The following TNC variants were observed in gnomAD, a reference collection of about 807,000 sequenced individuals.
TNC encodes tenascin.
In TNC, 109 loss-of-function variants were observed where a neutral mutation model predicts 202.4. The ratio of observed to expected loss-of-function variants is 0.54; its 90% CI spans 0.46 to 0.63. TNC has a LOEUF of 0.63. TNC is among the 30% of genes least tolerant of loss of function. The pLI, the probability that TNC is intolerant of heterozygous loss-of-function variation, is 0.00. For synonymous variants in TNC, 1,007 were observed against 1,089.7 expected, an observed-to-expected ratio of 0.92 and a Z score of 1.50; for missense variants, 2,756 against 2,833.3, an observed-to-expected ratio of 0.97 and a Z score of 0.62.
At chr9:115,064,168 A>T (rs1205703049) in intron 11 of TNC, 100 bp from the exon 12 acceptor site, 1 of 1,279,742 alleles carries the variant, frequency 7.8e-7, no homozygotes, top group East Asian at 2.4e-5. Flanking sequence ...TTACTGAAAA[A>T]ATGTGACTTT....
intron 8 of TNC, 134 bp from the exon 9 acceptor site, chr9:115,076,255 A>G: frequency 1.4e-6 from 2 of 1,397,802 alleles, no homozygotes; most frequent in Non-Finnish European, 2.0e-6. Flanking sequence ...AACTCACTGC[A>G]ATCCAATAAG....
chr9:115,030,311 A>G lies in TNC; in HGVS notation c.6015T>C (p.Asp2005=), dbSNP rs764271435. The change falls in exon 24 of 28, where the codon GAT becomes GAC. Residue 2005 remains aspartate (D), a synonymous_variant. Transcript: ENST00000350763. The part of the protein sequence containing the change: ...SGLYTIYLNG[D]KAEALEVFCD... ...AGAAGACTTCCAGCGCCTCAGCCTT[A>G]TCACCATTCAGATAAATGGTGTAGA... 2 of 1,613,920 alleles carry G rather than the reference A, an allele frequency of 1.2e-6. No homozygotes were observed. Among genetic ancestry groups the G allele is most frequent in the Non-Finnish European group, 1.7e-6 (2 of 1,179,798 alleles).
chr9:115,076,545 A>G lies in TNC; in HGVS notation c.2705T>C (p.Val902Ala). The G allele has an allele frequency of 6.2e-7, 1 of 1,614,200 alleles. No individual in the cohort carries two copies. The highest frequency in any genetic ancestry group is 1.3e-5 in the African/African-American group (1 of 75,046). ...GLDAPRNLRRVSQTDNSITLE... is the reference protein window; with the variant it reads ...GLDAPRNLRRASQTDNSITLE... ...GGTGATGCTGTTATCTGTCTGGGAA[A>G]CACGTCGAAGATTCCTGGGAGCATC... Residue 902 changes from valine (V) to alanine (A), a missense_variant, in exon 8 of 28, where the codon GTT becomes GCT. Physicochemically the swap from Val to Ala is moderately conservative, Grantham distance 64. Around this residue, in one of 2 missense-constraint regions of TNC, gnomAD observed 2,559 missense variants for 2,546.0 expected, o/e 1.01. Coordinates refer to ENST00000350763, the MANE Select transcript of TNC (RefSeq NM_002160.4).
chr9:115,030,195 C>G lies in TNC; in HGVS notation c.6072+59G>C, dbSNP rs199978073. 2,409 of 1,525,236 alleles carry G rather than the reference C, an allele frequency of 1.6e-3. 27 individuals are homozygous for G. The South Asian group carries it at 0.016, about 10-fold the overall frequency. 94.5% of individuals were successfully genotyped at this position (1,525,236 alleles called of 1,614,324 possible). A position where few individuals can be genotyped will look rare whatever the true frequency, so the allele number is the denominator to read the frequency against. On this transcript the variant is annotated intron_variant, in intron 24 of 27. Transcript: ENST00000350763. ...GAGATCACCCTCTTCTCCTCCCCTG[C>G]TTTGCCCTCTCCCTCTTCCCCTAGG... is the stretch of plus-strand genomic sequence containing the variant.
At position 115,072,116 on chromosome 9, in the gene TNC, C is replaced by T. The variant is rs552523454; in HGVS notation, c.3214+1487G>A. ...CATGTTCAGACAGAAGACTACCTTT[C>T]CCTGCCTCCCTTACAGCTAGGAGTG... is the stretch of plus-strand genomic sequence containing the variant. On this transcript the variant is annotated intron_variant, in intron 10 of 27. Transcript: ENST00000350763. 2.6e-5 allele frequency among the ~76,000 whole-genome samples: 4 copies of T among 152,332 alleles called. No individual in the cohort carries two copies. In the South Asian group the frequency reaches 8.3e-4, roughly 32 times the overall value.
chr9:115,042,244 C>G lies in TNC; in HGVS notation c.5223G>C (p.Arg1741=), dbSNP rs62638694. Residue 1741 remains arginine, a synonymous_variant, in exon 18 of 28, where the codon CGG becomes CGC. Transcript: ENST00000350763. ...CTCCTGTAATGGGCACATAGGTAAT[C>G]CGGAAGCTCTCCACTTGGGCTGTGG... ...RAPTAQVESF[R]ITYVPITGGT... The G allele has an allele frequency of 6.2e-7, 1 of 1,614,156 alleles. No individual in the cohort carries two copies. Among genetic ancestry groups the G allele is most frequent in the African/African-American group, 1.3e-5 (1 of 75,064 alleles).
intron 14 of TNC, among the ~76,000 whole-genome samples, chr9:115,057,951 G>C (rs1832261761): frequency 6.6e-6 from 1 of 152,184 alleles, no homozygotes; most frequent in Non-Finnish European, 1.5e-5. Context: ...TGAGGCTTCT[G>C]ATTTTGTGAC....
intron 18 of TNC, among the ~76,000 whole-genome samples, 190 bp downstream of exon 18, chr9:115,042,029 C>T (rs1830794305): frequency 6.6e-6 from 1 of 152,214 alleles, no homozygotes; most frequent in South Asian, 2.1e-4. Flanking sequence ...TGACCCTTCA[C>T]AAGAAAGTTT....
intron 22 of TNC, among the ~76,000 whole-genome samples, chr9:115,033,330 C>T (rs542050982): frequency 1.3e-5 from 2 of 152,184 alleles, no homozygotes; most frequent in Non-Finnish European, 2.9e-5. Flanking sequence ...CAGTTCTAGT[C>T]CCTGGGGGAA....
chr9:115,064,304 G>T (rs1720745380), intron 11 of TNC, among the ~76,000 whole-genome samples: 1 of 152,174 alleles, frequency 6.6e-6, no homozygotes, highest in African/African-American at 2.4e-5. Context: ...ACCCTCAGTA[G>T]ATGAGAGAAT....
In TNC at chr9:115,117,974, A is replaced by G. The variant is rs1837596958; in HGVS notation, c.-137+8T>C. 1 of 152,208 alleles carries G rather than the reference A, an allele frequency of 6.6e-6. No homozygotes were observed. 9.4% of individuals were successfully genotyped at this position (152,208 alleles called of 1,614,324 possible). Reference sequence around the variant, plus strand: ...GGATCTCTAGTGATGAGGGCAAAACAGACTTACCTTTCCGATGGGCGAGAG... The same window carrying G: ...GGATCTCTAGTGATGAGGGCAAAACGGACTTACCTTTCCGATGGGCGAGAG... On this transcript the variant is annotated splice_region_variant and intron_variant, in intron 1 of 27. Transcript: ENST00000350763.
chr9:115,073,782 A>C lies in TNC; in HGVS notation c.3035T>G (p.Phe1012Cys), dbSNP rs879112257. 3 of 1,614,090 alleles carry C rather than the reference A, an allele frequency of 1.9e-6. 1 individual carries two copies. The highest frequency in any genetic ancestry group is 2.2e-5 in the South Asian group (2 of 91,080). Reference sequence around the variant, plus strand: ...ACTGTAATTGAGGCGGTAGCGGTCAAATTTGGCCAACGGTGTCTTCCAGAG... The same window carrying C: ...ACTGTAATTGAGGCGGTAGCGGTCACATTTGGCCAACGGTGTCTTCCAGAG... ...TLLWKTPLAKFDRYRLNYSLP... is the reference protein window; with the variant it reads ...TLLWKTPLAKCDRYRLNYSLP... Residue 1012 changes from phenylalanine to cysteine, a missense_variant, in exon 10 of 28, where the codon TTT (phenylalanine) becomes TGT (cysteine). Coordinates refer to ENST00000350763, the MANE Select transcript of TNC (RefSeq NM_002160.4).
intron 6 of TNC, 112 bp from the exon 7 acceptor site, chr9:115,078,324 T>C (rs943239262): frequency 7.9e-7 from 1 of 1,260,436 alleles, no homozygotes; most frequent in Non-Finnish European, 1.1e-6. Flanking sequence ...TTATACTAAC[T>C]GCTTGACTTT....
chr9:115,034,764 C>T (rs1216060094), intron 22 of TNC, among the ~76,000 whole-genome samples: 1 of 151,856 alleles, frequency 6.6e-6, no homozygotes, highest in Non-Finnish European at 1.5e-5. Flanking sequence ...TCTTGGGTAG[C>T]GAATATAAAT....
In TNC at chr9:115,031,649, G is replaced by A; in HGVS notation, c.5824C>T (p.Leu1942=). Residue 1942 remains leucine (L), a synonymous_variant, in exon 23 of 28, where the codon CTG becomes TTG. Transcript: ENST00000350763. ...IVGPDTTSYS[L]ADLSPSTHYT... ...TGGGTGGATGGGCTCAGGTCTGCCAGGCTGTAGGAGGTGGTATCTGGACCC... is the reference window on the plus strand; with the variant it reads ...TGGGTGGATGGGCTCAGGTCTGCCAAGCTGTAGGAGGTGGTATCTGGACCC... 1 of 1,611,946 alleles carries A rather than the reference G, an allele frequency of 6.2e-7. No homozygotes were observed. The highest frequency in any genetic ancestry group is 1.3e-5 in the African/African-American group (1 of 74,950).
intron 16 of TNC, 122 bp downstream of exon 16, chr9:115,048,138 A>G (rs1831349210): frequency 1.6e-6 from 2 of 1,245,790 alleles, no homozygotes; most frequent in Non-Finnish European, 2.2e-6. Flanking sequence ...GAAACAGTAG[A>G]CTACATTTAT....
intron 10 of TNC, among the ~76,000 whole-genome samples, chr9:115,068,675 C>T (rs890666894): frequency 6.6e-6 from 1 of 152,256 alleles, no homozygotes; most frequent in Non-Finnish European, 1.5e-5. Context: ...TCCTACCCTA[C>T]TGTTTTCCCA....
chr9:115,057,659 GTT>G (rs1832239737), intron 14 of TNC, among the ~76,000 whole-genome samples: 1 of 152,254 alleles, frequency 6.6e-6, no homozygotes, highest in Non-Finnish European at 1.5e-5. Flanking sequence ...TCTACATGCA[GTT>G]GCCACATATA....
chr9:115,087,585 G>A (rs932435191), intron 2 of TNC, among the ~76,000 whole-genome samples: 20 of 149,602 alleles, frequency 1.3e-4, no homozygotes, highest in Non-Finnish European at 2.2e-4. Flanking sequence ...CCTGGGGAGC[G>A]GATTCATAGT....
Sources: allele counts gnomAD v4.1 joint callset (sites outside exome capture counted in the v4.1 genomes callset), GRCh38; gene constraint gnomAD v4.1.1; regional missense constraint gnomAD v4.1.1; transcripts MANE v1.5; gene names NCBI Gene and HGNC (gene_info 2026-07-23, HGNC 2026-07-21).